COMMD1: variants seen among roughly 807,000 people sequenced by gnomAD.
The protein encoded by COMMD1 is COMM domain-containing protein 1.
COMMD1 carries 10 observed loss-of-function variants against 17.2 expected under a neutral mutation model. The observed-to-expected ratio is 0.58, with a 90% CI of 0.36 to 0.99. The LOEUF (loss-of-function observed/expected upper bound fraction) is 0.99, where lower values mean the gene tolerates loss of function less well. Among genes scored for constraint, COMMD1 ranks in the 50% least tolerant of loss-of-function variants. COMMD1 has a pLI of 0.01. For synonymous variants in COMMD1, 97 were observed against 91.6 expected (o/e 1.06, Z -0.34); for missense variants, 270 against 231.8 (o/e 1.17, Z -1.07).
intron 1 of COMMD1, among the ~76,000 whole-genome samples, chr2:61,892,704 A>AAAAAG (rs1017301897): frequency 1.9e-4 from 29 of 151,138 alleles, no homozygotes; most frequent in African/African-American, 6.4e-4. Flanking sequence ...CAAAAAAAAA[A>AAAAAG]AAAAGAAAAG....
intron 2 of COMMD1, among the ~76,000 whole-genome samples, chr2:62,018,333 A>G (rs1669512130): frequency 6.6e-6 from 1 of 152,208 alleles, no homozygotes; most frequent in African/African-American, 2.4e-5. Context: ...CAAAACCAAT[A>G]TGATACAAAG....
chr2:61,917,403 G>A (rs1670077933), intron 1 of COMMD1, among the ~76,000 whole-genome samples: 1 of 151,898 alleles, frequency 6.6e-6, no homozygotes, highest in Admixed American at 6.6e-5. Context: ...CAAAATGGCT[G>A]AAGTTTACTA....
chr2:61,927,287 G>A (rs546988644), intron 1 of COMMD1, among the ~76,000 whole-genome samples: 4 of 152,320 alleles, frequency 2.6e-5, no homozygotes, highest in Admixed American at 2.0e-4. Context: ...CTGGCCTTTT[G>A]GGAAAATTGG....
chr2:61,953,609 A>G (rs13420043), intron 1 of COMMD1, among the ~76,000 whole-genome samples: 12,129 of 151,808 alleles, frequency 0.08, 1,153 homozygotes, highest in African/African-American at 0.23. Flanking sequence ...AGCTCAGTCA[A>G]TCTGCCCACC....
At chr2:61,901,455 T>C (rs1669654770), upstream of COMMD1, among the ~76,000 whole-genome samples, 1 of 151,772 alleles carries the variant, frequency 6.6e-6, no homozygotes, top group South Asian at 2.1e-4. Context: ...AAACCTTATC[T>C]CCACTAAAAA....
intron 2 of COMMD1, among the ~76,000 whole-genome samples, chr2:62,014,365 C>T (rs1573071328): frequency 6.6e-6 from 1 of 151,958 alleles, no homozygotes; most frequent in East Asian, 1.9e-4. Context: ...CAGTGTTGAA[C>T]TGCCTGTGTT....
intron 1 of COMMD1, among the ~76,000 whole-genome samples, chr2:61,948,700 G>A (rs564067834): frequency 6.6e-6 from 1 of 152,110 alleles, no homozygotes; most frequent in Non-Finnish European, 1.5e-5. Flanking sequence ...TCAATATGAG[G>A]GCTAAAACTT....
chr2:62,014,489 TA>T (rs1166082185), intron 2 of COMMD1, among the ~76,000 whole-genome samples: 167 of 134,428 alleles, frequency 1.2e-3, no homozygotes, highest in South Asian at 2.1e-3. Context: ...CTTTAGTACT[TA>T]AAAAAAAAAA....
intron 1 of COMMD1, among the ~76,000 whole-genome samples, chr2:61,972,662 T>G (rs1310689776): frequency 6.6e-6 from 1 of 152,176 alleles, no homozygotes; most frequent in Non-Finnish European, 1.5e-5. Context: ...ATAACCTTTG[T>G]CTAACCAGGA....
chr2:62,059,053 C>T (rs770218146), intron 2 of COMMD1, among the ~76,000 whole-genome samples: 93 of 152,346 alleles, frequency 6.1e-4, no homozygotes, highest in Non-Finnish European at 9.3e-4. Flanking sequence ...GTTGGGATTG[C>T]AGGCGTGAGC....
intron 2 of COMMD1, among the ~76,000 whole-genome samples, chr2:62,024,053 A>G (rs1306449204): frequency 6.6e-6 from 1 of 152,252 alleles, no homozygotes; most frequent in East Asian, 1.9e-4. Context: ...GGTAAACTAC[A>G]TATAATACCA....
chr2:62,054,080 G>A (rs537917437), intron 2 of COMMD1, among the ~76,000 whole-genome samples: 24 of 152,214 alleles, frequency 1.6e-4, no homozygotes, highest in African/African-American at 5.8e-4. Context: ...CATATAAATG[G>A]CCAACAGGTA....
intron 1 of COMMD1, among the ~76,000 whole-genome samples, chr2:61,921,013 T>A (rs1194347701): frequency 6.7e-6 from 1 of 150,258 alleles, no homozygotes; most frequent in Non-Finnish European, 1.5e-5. Flanking sequence ...AGCCTTACTC[T>A]GTCACTGAGG....
chr2:61,999,063 A>G (rs1018595407), intron 1 of COMMD1, among the ~76,000 whole-genome samples: 3 of 152,224 alleles, frequency 2.0e-5, no homozygotes, highest in African/African-American at 7.2e-5. Context: ...ACACAAGGTG[A>G]GCATATGCTA....
chr2:62,133,098 A>T (rs1673088884), intron 2 of COMMD1, among the ~76,000 whole-genome samples: 1 of 152,352 alleles, frequency 6.6e-6, no homozygotes, highest in Non-Finnish European at 1.5e-5. Context: ...CACATATGAG[A>T]CTGCACTTCT....
intron 2 of COMMD1, among the ~76,000 whole-genome samples, chr2:62,105,055 G>T (rs1438407098): frequency 1.3e-5 from 2 of 151,656 alleles, no homozygotes; most frequent in Admixed American, 6.6e-5. Context: ...AACCTGGGAG[G>T]TGGAGGTTGC....
chr2:61,971,023 C>T (rs1671636616), intron 1 of COMMD1, among the ~76,000 whole-genome samples: 1 of 152,228 alleles, frequency 6.6e-6, no homozygotes, highest in South Asian at 2.1e-4. Context: ...ATCCTTCCAC[C>T]TCAGCCTCCG....
Position 61,963,185 on chromosome 2 carries a change from TTA to T in COMMD1, c.181-37511_181-37510del, listed in dbSNP as rs1553373136. On this transcript the variant is annotated intron_variant, in intron 1 of 2. Transcript: ENST00000311832. ...AAAAAAAAAAATATATATATATATA[TTA>T]TATACACACACACACACACACACAC... Among the ~76,000 whole-genome samples the T allele has an allele frequency of 7.6e-4, 99 of 129,788 alleles. 1 individual carries two copies. The highest frequency in any genetic ancestry group is 2.5e-3 in the African/African-American group (77 of 31,124). 85.1% of individuals were successfully genotyped at this position (129,788 alleles called of 152,430 possible). A position where few individuals can be genotyped will look rare whatever the true frequency, so the allele number is the denominator to read the frequency against.
At chr2:62,034,512 A>G (rs1273344213) in intron 2 of COMMD1, among the ~76,000 whole-genome samples, 2 of 152,180 alleles carry the variant, frequency 1.3e-5, no homozygotes, top group African/African-American at 2.4e-5. Context: ...AAAGAAAAGA[A>G]AAATACAGTG....
Sources: allele counts gnomAD v4.1 joint callset (sites outside exome capture counted in the v4.1 genomes callset), GRCh38; gene constraint gnomAD v4.1.1; transcripts MANE v1.5; gene names NCBI Gene and HGNC (gene_info 2026-07-23, HGNC 2026-07-21).